The following IPO8 variants were observed in gnomAD, a reference collection of about 807,000 sequenced individuals.
IPO8 encodes importin 8.
Under a neutral mutation model 141.2 loss-of-function variants are expected in IPO8, and 65 were observed. The ratio of observed to expected loss-of-function variants is 0.46; its 90% CI spans 0.38 to 0.57. The LOEUF is 0.57. Among genes scored for constraint, IPO8 ranks in the 20% least tolerant of loss-of-function variants. The pLI is 0.00. For synonymous variants in IPO8, 411 were observed against 420.3 expected (o/e 0.98, Z 0.27); for missense variants, 980 against 1,246.8 (o/e 0.79, Z 3.22).
chr12:30,685,495 T>A (rs576152519), intron 2 of IPO8, among the ~76,000 whole-genome samples: 1 of 137,922 alleles, frequency 7.3e-6, no homozygotes, highest in Non-Finnish European at 1.6e-5. Flanking sequence ...TAAATACTTA[T>A]AATGTTGTGT....
intron 10 of IPO8, 139 bp downstream of exon 10, chr12:30,669,042 ACT>A: frequency 2.0e-6 from 1 of 500,668 alleles, no homozygotes; most frequent in Non-Finnish European, 3.5e-6. Flanking sequence ...ATAACATCAA[ACT>A]CTCAAAGTTT....
intron 10 of IPO8, among the ~76,000 whole-genome samples, chr12:30,668,029 C>G (rs1193366531): frequency 1.3e-5 from 2 of 148,780 alleles, no homozygotes; most frequent in Non-Finnish European, 3.0e-5. Context: ...TACTTGGAGG[C>G]TGAGGTGGGA....
intron 21 of IPO8, among the ~76,000 whole-genome samples, chr12:30,638,301 C>G (rs910687806): frequency 5.3e-5 from 8 of 152,208 alleles, no homozygotes; most frequent in African/African-American, 1.9e-4. Flanking sequence ...GTATGTTCTT[C>G]CCTTCAAGGT....
Position 30,643,484 on chromosome 12 carries a change from T to C in IPO8, c.2269-3749A>G, listed in dbSNP as rs184873903. ...CTTGAATACTACTATGGTCTCGATA[T>C]GGTTTGTCCTCCTGAAACTCATGTT... On this transcript the variant is annotated intron_variant, in intron 20 of 24. Coordinates refer to ENST00000256079, the MANE Select transcript of IPO8 (RefSeq NM_006390.4). Among the ~76,000 whole-genome samples the C allele has an allele frequency of 2.0e-5, 3 of 152,320 alleles. No individual in the cohort carries two copies. In the East Asian group the frequency reaches 5.8e-4, roughly 29 times the overall value.
chr12:30,693,928 G>GA (rs893981100), intron 1 of IPO8, among the ~76,000 whole-genome samples: 4 of 151,704 alleles, frequency 2.6e-5, no homozygotes, highest in African/African-American at 4.8e-5. Flanking sequence ...AATACCATGG[G>GA]AAAAAAAATA....
chr12:30,690,700 C>G, intron 1 of IPO8, 123 bp from the exon 2 acceptor site: 1 of 534,922 alleles, frequency 1.9e-6, no homozygotes, highest in Non-Finnish European at 3.3e-6. Flanking sequence ...TGAGACAAAC[C>G]CTTCAAGGCA....
intron 16 of IPO8, 24 bp downstream of exon 16, chr12:30,661,117 T>TAGTATA: frequency 7.0e-7 from 1 of 1,420,964 alleles, no homozygotes; most frequent in Non-Finnish European, 9.4e-7. Flanking sequence ...TACTATTATA[T>TAGTATA]CATAAACCAC....
intron 7 of IPO8, 26 bp from the exon 8 acceptor site, chr12:30,674,100 A>C (rs2053087274): frequency 2.9e-6 from 4 of 1,368,344 alleles, no homozygotes; most frequent in Non-Finnish European, 4.1e-6. Context: ...GAAAATGTAC[A>C]AATACCGTGA....
At chr12:30,654,716 G>T (rs1022835026) in intron 17 of IPO8, among the ~76,000 whole-genome samples, 3 of 152,068 alleles carry the variant, frequency 2.0e-5, no homozygotes, top group Non-Finnish European at 2.9e-5. Flanking sequence ...ATGCTGGAGG[G>T]GATGTAGAGA....
chr12:30,665,472 T>G (rs10843808), intron 12 of IPO8, among the ~76,000 whole-genome samples, 163 bp from the exon 13 acceptor site: 86,392 of 152,036 alleles, frequency 0.57, 25,661 homozygotes, highest in African/African-American at 0.74. Context: ...TATTACCTTA[T>G]ATCAGTTTGA....
In IPO8 at chr12:30,663,543, C is replaced by A. The variant is rs757587563; in HGVS notation, c.1540G>T (p.Val514Phe). 1 of 1,613,842 alleles carries A rather than the reference C, an allele frequency of 6.2e-7. No homozygotes were observed. Among genetic ancestry groups the A allele is most frequent in the Non-Finnish European group, 8.5e-7 (1 of 1,179,904 alleles). Reference protein sequence around the residue: ...KSLIEDKEMPVKVEAALALQS... With the variant: ...KSLIEDKEMPFKVEAALALQS... ...AGAGCAAGGGCAGCTTCAACTTTGA[C>A]AGGCATCTCTTTATCTTCAATCAGG... The change falls in exon 14 of 25, where the codon GTC becomes TTC. Residue 514 changes from valine to phenylalanine, a missense_variant. Val to Phe is a conservative substitution (Grantham distance 50, BLOSUM62 -1). Transcript: ENST00000256079.
intron 17 of IPO8, among the ~76,000 whole-genome samples, chr12:30,654,895 G>A (rs1444665318): frequency 6.6e-6 from 1 of 151,968 alleles, no homozygotes; most frequent in Non-Finnish European, 1.5e-5. Flanking sequence ...GAGATAATGT[G>A]CCCTCCTATG....
chr12:30,678,696 C>G (rs2053153259), intron 5 of IPO8, among the ~76,000 whole-genome samples: 1 of 152,052 alleles, frequency 6.6e-6, no homozygotes, highest in African/African-American at 2.4e-5. Context: ...TTCAAATGCA[C>G]TTTATTCTAA....
At chr12:30,676,681 G>T in intron 5 of IPO8, 94 bp from the exon 6 acceptor site, 1 of 889,590 alleles carries the variant, frequency 1.1e-6, no homozygotes. Flanking sequence ...ATATGAAAGG[G>T]CTAACATTTG....
chr12:30,694,121 C>A (rs1010447401), intron 1 of IPO8, among the ~76,000 whole-genome samples: 2 of 152,134 alleles, frequency 1.3e-5, no homozygotes, highest in African/African-American at 2.4e-5. Context: ...GGGTCATAAA[C>A]AGGCCAACTC....
At chr12:30,677,960 C>G (rs1436168419) in intron 5 of IPO8, among the ~76,000 whole-genome samples, 2 of 151,646 alleles carry the variant, frequency 1.3e-5, no homozygotes, top group Admixed American at 6.6e-5. Flanking sequence ...AACAGTGAAA[C>G]CCCGTCTCTA....
chr12:30,639,091 C>A (rs929172410), intron 21 of IPO8, among the ~76,000 whole-genome samples: 25 of 152,096 alleles, frequency 1.6e-4, no homozygotes, highest in African/African-American at 5.8e-4. Context: ...GAACAGGCAT[C>A]CCTGAGATCT....
Position 30,695,773 on chromosome 12 carries a change from C to T in IPO8, c.-126G>A. On this transcript the variant is annotated 5_prime_UTR_variant, in exon 1 of 25. Coordinates refer to ENST00000256079, the MANE Select transcript of IPO8 (RefSeq NM_006390.4). This position sits in a 1 kb window ranked among gnomAD's most constrained non-coding sequence, Gnocchi z 4.2. ...TACCTCACACCCCACCCCCCGCCAC[C>T]GTCGCCACCTGCGGCCACTTGCTGC... The T allele has an allele frequency of 1.2e-6, 1 of 815,198 alleles. No homozygotes were observed. 50.5% of individuals were successfully genotyped at this position (815,198 alleles called of 1,614,324 possible).
chr12:30,636,873 G>A (rs2052509082), intron 22 of IPO8, 109 bp downstream of exon 22: 2 of 895,898 alleles, frequency 2.2e-6, no homozygotes, highest in Non-Finnish European at 3.4e-6. Flanking sequence ...TGTGTAGCAG[G>A]CCGAAGAATG....
Sources: allele counts gnomAD v4.1 joint callset (sites outside exome capture counted in the v4.1 genomes callset), GRCh38; gene constraint gnomAD v4.1.1; non-coding constraint Gnocchi (gnomAD v3.1); transcripts MANE v1.5; gene names NCBI Gene and HGNC (gene_info 2026-07-23, HGNC 2026-07-21).